The following LGSN variants were observed in gnomAD, a reference collection of about 807,000 sequenced individuals.
LGSN encodes lengsin, lens protein with glutamine synthetase domain, also known as lengsin.
Under a neutral mutation model 19.5 loss-of-function variants are expected in LGSN, and 21 were observed. The observed-to-expected ratio is 1.07, with a 90% CI of 0.76 to 1.55. LGSN has a LOEUF of 1.55. Among genes scored for constraint, LGSN ranks in the 40% most tolerant of loss-of-function variants. LGSN has a pLI of 0.00. For synonymous variants in LGSN, 257 were observed against 215.6 expected, an observed-to-expected ratio of 1.19 and a Z score of -1.68; for missense variants, 673 against 608.5, an observed-to-expected ratio of 1.11 and a Z score of -1.12.
At chr6:63,316,632 C>T (rs186927566) in intron 1 of LGSN, among the ~76,000 whole-genome samples, 251 of 151,900 alleles carry the variant, frequency 1.7e-3, no homozygotes, top group Admixed American at 3.4e-3. Context: ...AAATTAAGAT[C>T]GTATGGCTAA....
intron 1 of LGSN, among the ~76,000 whole-genome samples, chr6:63,297,263 C>A (rs1349105152): frequency 6.6e-6 from 1 of 151,312 alleles, no homozygotes; most frequent in Non-Finnish European, 1.5e-5. Flanking sequence ...TTGCTTGAAC[C>A]CAAGAGGCAG....
chr6:63,323,230 G>A (rs1769129048), upstream of LGSN, among the ~76,000 whole-genome samples: 2 of 151,726 alleles, frequency 1.3e-5, no homozygotes, highest in African/African-American at 4.9e-5. Context: ...TAGAAGGAGA[G>A]TGCCACAGAA....
the LGSN span, among the ~76,000 whole-genome samples, chr6:63,358,481 ATTTG>A: frequency 1.3e-5 from 2 of 152,174 alleles, no homozygotes; most frequent in Non-Finnish European, 2.9e-5. Flanking sequence ...ATGTTCTTCC[ATTTG>A]TTTGTATCCT....
the LGSN span, among the ~76,000 whole-genome samples, chr6:63,390,620 G>T: frequency 6.6e-6 from 1 of 151,430 alleles, no homozygotes; most frequent in East Asian, 2.0e-4. Context: ...ACTTTGGGAG[G>T]CCGAGGCGGG....
chr6:63,540,775 G>T, the LGSN span, among the ~76,000 whole-genome samples: 34 of 151,464 alleles, frequency 2.2e-4, no homozygotes, highest in African/African-American at 8.0e-4. Context: ...GGGAGACGTA[G>T]AAATAGCAAA....
At chr6:63,336,009 A>G in the LGSN span, among the ~76,000 whole-genome samples, 1 of 151,406 alleles carries the variant, frequency 6.6e-6, no homozygotes, top group Non-Finnish European at 1.5e-5. Flanking sequence ...ATTCTCACTC[A>G]TATGTGGGAG....
At chr6:63,302,284 T>A (rs1768211447) in intron 1 of LGSN, among the ~76,000 whole-genome samples, 1 of 152,186 alleles carries the variant, frequency 6.6e-6, no homozygotes, top group Non-Finnish European at 1.5e-5. Flanking sequence ...AGAGCCAAAT[T>A]TCCTTGTCAA....
At chr6:63,512,746 G>A in the LGSN span, among the ~76,000 whole-genome samples, 1 of 152,090 alleles carries the variant, frequency 6.6e-6, no homozygotes, top group African/African-American at 2.4e-5. Context: ...GCAGTGTAAG[G>A]CAAATAGTTT....
chr6:63,372,637 A>G, the LGSN span, among the ~76,000 whole-genome samples: 2 of 152,254 alleles, frequency 1.3e-5, no homozygotes, highest in Non-Finnish European at 2.9e-5. Flanking sequence ...AGAAAATATA[A>G]GAATACAATT....
At chr6:63,359,968 T>G in the LGSN span, among the ~76,000 whole-genome samples, 5 of 152,210 alleles carry the variant, frequency 3.3e-5, no homozygotes, top group Non-Finnish European at 2.9e-5. Context: ...AATTATTTTC[T>G]TTAAGAATGT....
At chr6:63,289,013 C>T (rs1458665970) in intron 2 of LGSN, among the ~76,000 whole-genome samples, 1 of 152,140 alleles carries the variant, frequency 6.6e-6, no homozygotes, top group African/African-American at 2.4e-5. Context: ...CTTCAGTGTC[C>T]AAATTGGCAC....
the LGSN span, among the ~76,000 whole-genome samples, chr6:63,362,592 C>T: frequency 1.2e-4 from 19 of 152,212 alleles, no homozygotes; most frequent in Non-Finnish European, 2.4e-4. Context: ...CAGAGCCTCA[C>T]TCACTGCTAG....
At chr6:63,333,463 A>C in the LGSN span, among the ~76,000 whole-genome samples, 32 of 149,618 alleles carry the variant, frequency 2.1e-4, no homozygotes, top group African/African-American at 7.1e-4. Flanking sequence ...AGGAGAGGGG[A>C]GGGGGAGAGA....
At chr6:63,434,164 C>T in the LGSN span, among the ~76,000 whole-genome samples, 4 of 152,132 alleles carry the variant, frequency 2.6e-5, no homozygotes, top group Non-Finnish European at 5.9e-5. Flanking sequence ...CCTGGCTGGG[C>T]GCAGTGGCTC....
At chr6:63,567,373 T>G in the LGSN span, among the ~76,000 whole-genome samples, 1 of 152,244 alleles carries the variant, frequency 6.6e-6, no homozygotes, top group African/African-American at 2.4e-5. Flanking sequence ...ATGGATGCTG[T>G]GTTAGAAGGC....
chr6:63,563,897 G>T, the LGSN span, among the ~76,000 whole-genome samples: 1 of 152,156 alleles, frequency 6.6e-6, no homozygotes, highest in Non-Finnish European at 1.5e-5. Flanking sequence ...ATTTTATGTG[G>T]GAAAGTAATA....
the LGSN span, among the ~76,000 whole-genome samples, chr6:63,531,512 C>CTTT: frequency 1.9e-4 from 25 of 128,548 alleles, no homozygotes; most frequent in Non-Finnish European, 2.7e-4. Context: ...ATCTATTATG[C>CTTT]TTTTTTTTTT....
At chr6:63,397,451 G>GAAA in the LGSN span, among the ~76,000 whole-genome samples, 1 of 127,332 alleles carries the variant, frequency 7.9e-6, no homozygotes, top group Non-Finnish European at 1.7e-5. Context: ...CGGCTTGGGA[G>GAAA]AAAAAAAAAA....
At chr6:63,412,371 GGAAA>G in the LGSN span, among the ~76,000 whole-genome samples, 4 of 132,120 alleles carry the variant, frequency 3.0e-5, no homozygotes, top group African/African-American at 1.1e-4. Context: ...CATCAAGAAA[GGAAA>G]GAAAGAAAGA....
Sources: gnomAD v4.1 joint callset for allele counts (sites outside exome capture counted in the v4.1 genomes callset) on GRCh38, gnomAD v4.1.1 for gene constraint, MANE v1.5 for transcripts, NCBI Gene and HGNC (gene_info 2026-07-23, HGNC 2026-07-21) for gene names.